The following DNAJC6 variants were observed in gnomAD, a reference collection of about 807,000 sequenced individuals.
DNAJC6 encodes DnaJ heat shock protein family (Hsp40) member C6, also known as auxilin.
In DNAJC6, 34 loss-of-function variants were observed where a neutral mutation model predicts 110.0. The ratio of observed to expected loss-of-function variants is 0.31; its 90% confidence interval spans 0.24 to 0.41. The LOEUF (loss-of-function observed/expected upper bound fraction) is 0.41, where lower values mean the gene tolerates loss of function less well. DNAJC6 is among the 10% of genes least tolerant of loss of function. The pLI is 1.00. For synonymous variants in DNAJC6, 406 were observed against 437.2 expected, an observed-to-expected ratio of 0.93 and a Z score of 0.89; for missense variants, 1,031 against 1,207.8, an observed-to-expected ratio of 0.85 and a Z score of 2.17.
intron 1 of DNAJC6, among the ~76,000 whole-genome samples, chr1:65,348,378 T>C (rs1446755189): frequency 6.6e-6 from 1 of 152,224 alleles, no homozygotes; most frequent in Non-Finnish European, 1.5e-5. Flanking sequence ...ATGTTTTGTC[T>C]ACTTGTTCTT....
At position 65,414,769 on chromosome 1, in the gene DNAJC6, T is replaced by C. The variant is rs1646156850; in HGVS notation, c.*1744T>C. 1 of 152,694 alleles carries C rather than the reference T, an allele frequency of 6.5e-6. No individual in the cohort carries two copies. The highest frequency in any genetic ancestry group is 1.5e-5 in the Non-Finnish European group (1 of 68,044). The allele number at this position is 152,694 out of a possible 1,614,324, so 9.5% of individuals were successfully genotyped here. On this transcript the variant is annotated 3_prime_UTR_variant, in exon 19 of 19. Coordinates refer to ENST00000371069, the MANE Select transcript of DNAJC6 (RefSeq NM_001256864.2). ...AAATAATGTTTGATCCAGTATGTGC[T>C]TGTCTTATTTAAAATTGGAATGTGA...
At chr1:65,367,162 G>T (rs1024317369) in intron 4 of DNAJC6, among the ~76,000 whole-genome samples, 2 of 152,104 alleles carry the variant, frequency 1.3e-5, no homozygotes, top group Non-Finnish European at 1.5e-5. Flanking sequence ...TCAAATTTTG[G>T]TGTGCATCAG....
intron 1 of DNAJC6, among the ~76,000 whole-genome samples, chr1:65,296,123 A>G (rs2101250391): frequency 6.6e-6 from 1 of 152,360 alleles, no homozygotes; most frequent in African/African-American, 2.4e-5. Context: ...ACATGGGCAT[A>G]GAGATTTCAG....
chr1:65,344,308 T>C (rs1373639772), intron 1 of DNAJC6, among the ~76,000 whole-genome samples: 1 of 152,204 alleles, frequency 6.6e-6, no homozygotes, highest in Non-Finnish European at 1.5e-5. Flanking sequence ...TGTAGATACA[T>C]GCACATGTGT....
At chr1:65,282,893 T>C (rs1194122315) in intron 1 of DNAJC6, among the ~76,000 whole-genome samples, 1 of 152,254 alleles carries the variant, frequency 6.6e-6, no homozygotes, top group African/African-American at 2.4e-5. Context: ...CAGTGTTTGA[T>C]ATGGAACCTG....
chr1:65,407,186 G>A (rs757687876), intron 16 of DNAJC6, among the ~76,000 whole-genome samples: 3 of 152,092 alleles, frequency 2.0e-5, no homozygotes, highest in Non-Finnish European at 4.4e-5. Flanking sequence ...GCATCCCTCT[G>A]TCTAGCACAT....
intron 1 of DNAJC6, among the ~76,000 whole-genome samples, chr1:65,357,839 A>G (rs1431399577): frequency 1.3e-5 from 2 of 152,198 alleles, no homozygotes; most frequent in African/African-American, 2.4e-5. Flanking sequence ...CTTGAATAGC[A>G]TAGCACTTGG....
At chr1:65,380,911 GTTTTGTTTTGTTTTT>G (rs1645812670) in intron 5 of DNAJC6, among the ~76,000 whole-genome samples, 1 of 114,918 alleles carries the variant, frequency 8.7e-6, no homozygotes, top group Non-Finnish European at 1.6e-5. Flanking sequence ...TTTGTTTTTT[GTTTTGTTTTGTTTTT>G]TTTTTTTTTT....
intron 1 of DNAJC6, among the ~76,000 whole-genome samples, chr1:65,312,856 G>A (rs1418075615): frequency 6.6e-6 from 1 of 152,144 alleles, no homozygotes. Flanking sequence ...CTGGAGTGCA[G>A]TGGTGCGATC....
At chr1:65,379,288 CT>C in intron 4 of DNAJC6, 113 bp from the exon 5 acceptor site, 1 of 1,314,264 alleles carries the variant, frequency 7.6e-7, no homozygotes, top group Non-Finnish European at 1.0e-6. Flanking sequence ...CTATTCCTAT[CT>C]ATATTAAGAG....
At position 65,309,887 on chromosome 1, in the gene DNAJC6, C is replaced by T. The variant is rs12753869; in HGVS notation, c.142C>T (p.Arg48Trp). The change falls in exon 1 of 19, where the codon CGG becomes TGG. Residue 48 changes from arginine to tryptophan, a missense_variant. By Grantham distance (101) the Arg-to-Trp change is moderately radical. Transcript: ENST00000371069. The part of the protein sequence containing the change: ...KQRVNAGAAA[R>W]SPARQPPDRA... ...GAGAGTGAACGCCGGGGCAGCGGCG[C>T]GGAGTCCCGCCCGACAGCCTCCGGA... is the stretch of plus-strand genomic sequence containing the variant. 5 of 1,544,322 alleles carry T rather than the reference C, an allele frequency of 3.2e-6. No individual in the cohort carries two copies. The South Asian group carries it at 6.0e-5, about 18-fold the overall frequency.
At chr1:65,405,133 T>G (rs1377248722) in intron 15 of DNAJC6, among the ~76,000 whole-genome samples, 2 of 152,222 alleles carry the variant, frequency 1.3e-5, no homozygotes, top group Non-Finnish European at 2.9e-5. Flanking sequence ...CCAGCTTGTA[T>G]GCAATGAGTG....
chr1:65,272,146 A>G (rs1403303960), intron 1 of DNAJC6, among the ~76,000 whole-genome samples: 1 of 152,114 alleles, frequency 6.6e-6, no homozygotes, highest in Non-Finnish European at 1.5e-5. Flanking sequence ...ATCTTAGGGG[A>G]AAAGCTATCA....
chr1:65,347,301 CT>C (rs1645445802), intron 1 of DNAJC6, among the ~76,000 whole-genome samples: 1 of 152,086 alleles, frequency 6.6e-6, no homozygotes, highest in African/African-American at 2.4e-5. Context: ...TTAATTTCAT[CT>C]TCTTTGGTTT....
At chr1:65,309,392 A>G (rs1645074967), upstream of DNAJC6, 2 of 229,064 alleles carry the variant, frequency 8.7e-6, no homozygotes, top group South Asian at 1.6e-4. Flanking sequence ...GGCGACACCT[A>G]TAGGATTGCT....
intron 1 of DNAJC6, among the ~76,000 whole-genome samples, chr1:65,356,174 T>C (rs1645541674): frequency 6.6e-6 from 1 of 152,166 alleles, no homozygotes; most frequent in African/African-American, 2.4e-5. Flanking sequence ...TGCTAAATGT[T>C]ATCTTTTTTT....
At chr1:65,290,102 CTCTG>C (rs1644852652) in intron 1 of DNAJC6, among the ~76,000 whole-genome samples, 2 of 152,142 alleles carry the variant, frequency 1.3e-5, no homozygotes, top group Non-Finnish European at 2.9e-5. Flanking sequence ...GAGCCACTGC[CTCTG>C]TCTGAGCATT....
chr1:65,334,695 A>T (rs1645319042), intron 1 of DNAJC6, among the ~76,000 whole-genome samples: 1 of 152,188 alleles, frequency 6.6e-6, no homozygotes, highest in South Asian at 2.1e-4. Context: ...ACTGAGTAAG[A>T]TACTAAGTAA....
At chr1:65,387,725 G>T (rs1645886195) in intron 8 of DNAJC6, among the ~76,000 whole-genome samples, 1 of 152,150 alleles carries the variant, frequency 6.6e-6, no homozygotes, top group African/African-American at 2.4e-5. Context: ...GTGAACATTT[G>T]GGATATTGCC....
Sources: gnomAD v4.1 joint callset for allele counts (sites outside exome capture counted in the v4.1 genomes callset) on GRCh38, gnomAD v4.1.1 for gene constraint, MANE v1.5 for transcripts, NCBI Gene and HGNC (gene_info 2026-07-23, HGNC 2026-07-21) for gene names.